SPATA9: variants seen among roughly 807,000 people sequenced by gnomAD.
The protein encoded by SPATA9 is spermatogenesis-associated protein 9.
Under a neutral mutation model 25.5 loss-of-function variants are expected in SPATA9, and 27 were observed. The ratio of observed to expected loss-of-function variants is 1.06; its 90% CI spans 0.78 to 1.46. The LOEUF (loss-of-function observed/expected upper bound fraction) is 1.46, where lower values mean the gene tolerates loss of function less well. Among genes scored for constraint, SPATA9 ranks in the 40% most tolerant of loss-of-function variants. The pLI is 0.00. For missense variants in SPATA9, 282 were observed against 297.5 expected, an observed-to-expected ratio of 0.95 and a Z score of 0.38; for synonymous variants, 102 against 105.7, an observed-to-expected ratio of 0.97 and a Z score of 0.21.
At chr5:95,670,596 T>C (rs1752280238) in intron 3 of SPATA9, 1 of 152,362 alleles carries the variant, frequency 6.6e-6, no homozygotes, top group African/African-American at 2.4e-5. Context: ...CCTTGCATGG[T>C]CCTTCCAGCT....
chr5:95,699,383 C>T (rs1385318150), upstream of SPATA9, among the ~76,000 whole-genome samples: 1 of 152,162 alleles, frequency 6.6e-6, no homozygotes, highest in African/African-American at 2.4e-5. Context: ...ACAATCAGCA[C>T]TCCATAGGTA....
chr5:95,717,640 A>C, the SPATA9 span: 9 of 152,264 alleles, frequency 5.9e-5, no homozygotes, highest in Non-Finnish European at 8.8e-5. Context: ...TGCATTGACT[A>C]AACCTAACTA....
intron 3 of SPATA9, among the ~76,000 whole-genome samples, chr5:95,671,365 G>C (rs1174920427): frequency 2.0e-5 from 3 of 152,170 alleles, no homozygotes; most frequent in Non-Finnish European, 4.4e-5. Context: ...ACATCTCTGA[G>C]TCCCTGGTAC....
the SPATA9 span, among the ~76,000 whole-genome samples, chr5:95,714,237 A>ATCCC: frequency 6.6e-6 from 1 of 152,122 alleles, no homozygotes; most frequent in Non-Finnish European, 1.5e-5. Flanking sequence ...GGCTCAAGAG[A>ATCCC]GTAATATGGG....
At chr5:95,699,767 G>A (rs141657230), upstream of SPATA9, among the ~76,000 whole-genome samples, 41 of 152,308 alleles carry the variant, frequency 2.7e-4, no homozygotes, top group African/African-American at 9.1e-4. Context: ...TGAGCATAGT[G>A]GGAAGAAATA....
chr5:95,703,777 A>G, the SPATA9 span, among the ~76,000 whole-genome samples: 6 of 152,228 alleles, frequency 3.9e-5, no homozygotes, highest in African/African-American at 1.4e-4. Flanking sequence ...AAAATAGTAA[A>G]CATGTATTTC....
At chr5:95,692,171 T>C (rs1038330672) in intron 1 of SPATA9, among the ~76,000 whole-genome samples, 1 of 152,286 alleles carries the variant, frequency 6.6e-6, no homozygotes, top group South Asian at 2.1e-4. Flanking sequence ...TTTGTGAATA[T>C]GAATTGAAAA....
chr5:95,678,195 G>T (rs1374251045), intron 2 of SPATA9, among the ~76,000 whole-genome samples: 2 of 152,080 alleles, frequency 1.3e-5, no homozygotes, highest in African/African-American at 4.8e-5. Flanking sequence ...TGGCCAACCT[G>T]GTGAAACCCC....
At chr5:95,700,259 T>C (rs1754142538), upstream of SPATA9, among the ~76,000 whole-genome samples, 2 of 152,156 alleles carry the variant, frequency 1.3e-5, no homozygotes, top group Admixed American at 1.3e-4. Flanking sequence ...TGGGTGCCCA[T>C]TTGCCCTTCA....
At chr5:95,716,321 C>T in the SPATA9 span, among the ~76,000 whole-genome samples, 2 of 152,222 alleles carry the variant, frequency 1.3e-5, no homozygotes, top group Admixed American at 6.5e-5. Context: ...GCAGAGCTGC[C>T]CAATGCCATG....
At chr5:95,702,997 C>A (rs1049519324), upstream of SPATA9, among the ~76,000 whole-genome samples, 1 of 152,162 alleles carries the variant, frequency 6.6e-6, no homozygotes. Context: ...TATAAAGTAC[C>A]ATTTGCATTA....
exon 9 of SPATA9, chr5:95,653,069 A>C (rs890179469): frequency 1.3e-6 from 2 of 1,548,718 alleles, no homozygotes; most frequent in African/African-American, 2.7e-5. Flanking sequence ...GAACACATTC[A>C]CCAAGACTTT....
intron 3 of SPATA9, among the ~76,000 whole-genome samples, chr5:95,669,466 AAAG>A (rs1297795484): frequency 1.3e-5 from 2 of 152,208 alleles, no homozygotes; most frequent in Admixed American, 1.3e-4. Flanking sequence ...TATCCTGAAA[AAAG>A]AACACGAGTT....
At chr5:95,654,361 T>C (rs552959759), downstream of SPATA9, 116 of 1,591,926 alleles carry the variant, frequency 7.3e-5, no homozygotes, top group Non-Finnish European at 9.4e-5. Flanking sequence ...ATTTGGGAGA[T>C]ATAGAGGTAT....
chr5:95,726,619 C>T, the SPATA9 span, among the ~76,000 whole-genome samples: 3 of 152,138 alleles, frequency 2.0e-5, no homozygotes, highest in African/African-American at 7.2e-5. Context: ...TCTGATTAGT[C>T]GTCGGTTTTT....
chr5:95,683,507 T>C (rs141987008), upstream of SPATA9, among the ~76,000 whole-genome samples: 202 of 152,292 alleles, frequency 1.3e-3, 1 homozygote, highest in African/African-American at 4.7e-3. Flanking sequence ...CAGACTTGAT[T>C]GACTGCCTAG....
At chr5:95,731,460 G>A in the SPATA9 span, 3 of 1,213,670 alleles carry the variant, frequency 2.5e-6, no homozygotes, top group East Asian at 3.6e-5. Flanking sequence ...CCTGAGTAGC[G>A]GCAGCTTATC....
At chr5:95,712,810 C>T in the SPATA9 span, among the ~76,000 whole-genome samples, 7 of 152,148 alleles carry the variant, frequency 4.6e-5, no homozygotes, top group Admixed American at 3.9e-4. Flanking sequence ...CTGTTTTAAG[C>T]CCCTAAACTT....
At chr5:95,698,193 G>C (rs974778276) in intron 1 of SPATA9, among the ~76,000 whole-genome samples, 1 of 152,178 alleles carries the variant, frequency 6.6e-6, no homozygotes, top group Non-Finnish European at 1.5e-5. Context: ...CATGGAAAAA[G>C]GTGTGCACTG....
Sources: allele counts gnomAD v4.1 joint callset (sites outside exome capture counted in the v4.1 genomes callset), GRCh38; gene constraint gnomAD v4.1.1; transcripts MANE v1.5; gene names NCBI Gene and HGNC (gene_info 2026-07-23, HGNC 2026-07-21).